PCSK4: variants seen among roughly 807,000 people sequenced by gnomAD.
PCSK4 encodes testicular tissue protein Li 135.
PCSK4 carries 64 observed loss-of-function variants against 80.3 expected under a neutral mutation model. The observed-to-expected ratio is 0.80, with a 90% CI of 0.65 to 0.98. The LOEUF (loss-of-function observed/expected upper bound fraction) is 0.98, where lower values mean the gene tolerates loss of function less well. Among genes scored for constraint, PCSK4 ranks in the 50% least tolerant of loss-of-function variants. The probability of loss-of-function intolerance (pLI) is 0.00; values close to 1 mark genes in which losing one functional copy is unlikely to be tolerated. For missense variants in PCSK4, 1,213 were observed against 1,093.6 expected, an observed-to-expected ratio of 1.11 and a Z score of -1.54; for synonymous variants, 561 against 487.6, an observed-to-expected ratio of 1.15 and a Z score of -1.98.
Position 1,487,465 on chromosome 19 carries a change from C to T in PCSK4, c.682+138G>A, listed in dbSNP as rs565557051. 875 of 1,003,974 alleles carry T rather than the reference C, an allele frequency of 8.7e-4. 6 individuals carry two copies. Among genetic ancestry groups the T allele is most frequent in the Non-Finnish European group, 1.7e-4 (113 of 680,908 alleles). The allele number at this position is 1,003,974 out of a possible 1,614,324, so 62.2% of individuals were successfully genotyped here. On this transcript the variant is annotated intron_variant, in intron 6 of 14. Coordinates refer to ENST00000300954, the Ensembl canonical transcript of PCSK4. ...ACCATTCGTATTGGCTCAGCACCCCCCAAGCCCTGGAGTCTGGGGCCCTAG... is the reference window on the plus strand; with the variant it reads ...ACCATTCGTATTGGCTCAGCACCCCTCAAGCCCTGGAGTCTGGGGCCCTAG...
chr19:1,485,574 A>G (rs558528548), intron 8 of PCSK4, among the ~76,000 whole-genome samples: 1 of 151,786 alleles, frequency 6.6e-6, no homozygotes, highest in African/African-American at 2.4e-5. Flanking sequence ...ACTCCATCTC[A>G]AAAGAAAAAA....
At chr19:1,486,225 C>T (rs1054667200) in intron 8 of PCSK4, among the ~76,000 whole-genome samples, 4 of 151,946 alleles carry the variant, frequency 2.6e-5, no homozygotes, top group Non-Finnish European at 4.4e-5. Flanking sequence ...GATCCACCCA[C>T]CTTGGTCTCC....
At chr19:1,482,405 G>A (rs1367974892) in exon 14 of PCSK4, 1 of 1,603,020 alleles carries the variant, frequency 6.2e-7, no homozygotes, top group Non-Finnish European at 8.5e-7. Flanking sequence ...TGGTCACCTG[G>A]GGGCCTGTAG....
intron 4 of PCSK4, 37 bp from the exon 5 acceptor site, chr19:1,487,898 G>A (rs754137817): frequency 1.3e-5 from 21 of 1,567,104 alleles, no homozygotes; most frequent in South Asian, 3.5e-5. Flanking sequence ...GCCGGGAGGC[G>A]TCCCTAGGGT....
chr19:1,484,106 C>T (rs142695530), exon 9 of PCSK4: 12 of 1,564,422 alleles, frequency 7.7e-6, no homozygotes, highest in African/African-American at 2.7e-5. Context: ...TCTGTGCACC[C>T]GTGATGCAGG....
Position 1,488,293 on chromosome 19 carries a change from G to A in PCSK4, c.295-13C>T, listed in dbSNP as rs1050158596. On this transcript the variant is annotated splice_polypyrimidine_tract_variant and intron_variant, in intron 2 of 14. Transcript: ENST00000300954. ...GGAACCACTGCACCTGCAGAGCAGA[G>A]GGTGCATCAGGCCTGTCCCCTGCTC... The A allele has an allele frequency of 1.2e-6, 2 of 1,606,154 alleles. No homozygotes were observed. Among genetic ancestry groups the A allele is most frequent in the Non-Finnish European group, 1.7e-6 (2 of 1,175,156 alleles).
At chr19:1,483,262 C>T (rs1239879005) in intron 12 of PCSK4, 22 bp downstream of exon 12, 15 of 1,544,082 alleles carry the variant, frequency 9.7e-6, no homozygotes, top group African/African-American at 1.4e-5. Context: ...AGGCCGCCCC[C>T]TCTCCTCTGC....
chr19:1,487,502 A>C (rs1031112209), intron 6 of PCSK4, 101 bp downstream of exon 6: 2 of 1,099,182 alleles, frequency 1.8e-6, no homozygotes, highest in African/African-American at 1.5e-5. Context: ...ACCACCCAGC[A>C]GTGAGAGGGT....
chr19:1,481,668 G>A (rs917835446), exon 15 of PCSK4: 29 of 890,690 alleles, frequency 3.3e-5, no homozygotes, highest in Middle Eastern at 3.5e-4. Flanking sequence ...GCTGGTGCTC[G>A]CTCCTCTGGG....
chr19:1,487,119 C>A (rs1337593346), intron 7 of PCSK4, 22 bp downstream of exon 7: 1 of 1,602,522 alleles, frequency 6.2e-7, no homozygotes. Context: ...GCCACCCCTG[C>A]CCTCCTCGGG....
rs375005449 is a variant in PCSK4, at chr19:1,483,285, G to A, written c.1570C>T (p.Arg524Ter). 39 of 1,586,922 alleles carry A rather than the reference G, an allele frequency of 2.5e-5. No individual in the cohort carries two copies. Among genetic ancestry groups the A allele is most frequent in the South Asian group, 3.4e-5 (3 of 88,908 alleles). Residue 524 changes from arginine (R) to a stop codon, truncating the protein, a stop_gained and splice_region_variant, in exon 12 of 15, where the codon CGA becomes TGA. Transcript: ENST00000300954. LOFTEE classifies it high-confidence loss of function. ...CCCTCTCCTCTGCGGGCCGCTCACC[G>A]TATGGCCACGAGTGTGGAGCGCGTG...
chr19:1,488,579 CTTATT>C (rs2084766337), intron 2 of PCSK4, among the ~76,000 whole-genome samples: 1 of 151,878 alleles, frequency 6.6e-6, no homozygotes, highest in African/African-American at 2.4e-5. Flanking sequence ...GCATCACTTC[CTTATT>C]TTTTTTCTTT....
Position 1,488,791 on chromosome 19 carries a change from G to A in PCSK4, c.295-511C>T, listed in dbSNP as rs575006553. Among the ~76,000 whole-genome samples, 6 of 152,154 alleles carry A rather than the reference G, an allele frequency of 3.9e-5. No individual in the cohort carries two copies. The South Asian group carries it at 1.2e-3, about 32-fold the overall frequency. ...AGATGGGGTTTCGCCATGTTGATCAGGCTGGTCTCGAACTCCTGAGCTTAA... is the reference window on the plus strand; with the variant it reads ...AGATGGGGTTTCGCCATGTTGATCAAGCTGGTCTCGAACTCCTGAGCTTAA... On this transcript the variant is annotated intron_variant, in intron 2 of 14. Coordinates refer to ENST00000300954, the Ensembl canonical transcript of PCSK4.
In PCSK4 at chr19:1,483,527, G is replaced by A. The variant is rs888197484; in HGVS notation, c.1392-64C>T. On this transcript the variant is annotated intron_variant, in intron 11 of 14. Coordinates refer to ENST00000300954, the Ensembl canonical transcript of PCSK4. Reference sequence around the variant, plus strand: ...CTGGGGGGTGGGTGGGCGGCCAGCAGGCGAGGTCGGGGCTCAGAGGTCACG... The same window carrying A: ...CTGGGGGGTGGGTGGGCGGCCAGCAAGCGAGGTCGGGGCTCAGAGGTCACG... The A allele has an allele frequency of 3.5e-6, 5 of 1,426,232 alleles. No individual in the cohort carries two copies. In the African/African-American group the frequency reaches 7.0e-5, roughly 20 times the overall value. 88.3% of individuals were successfully genotyped at this position (1,426,232 alleles called of 1,614,324 possible). A position where few individuals can be genotyped will look rare whatever the true frequency, so the allele number is the denominator to read the frequency against.
At chr19:1,481,575 T>C (rs1259987419) in exon 15 of PCSK4, 4 of 476,346 alleles carry the variant, frequency 8.4e-6, no homozygotes, top group African/African-American at 5.9e-5. Flanking sequence ...AAACCCAAAA[T>C]GCAGAGGAGA....
rs1213190791 is a variant in PCSK4, at chr19:1,487,063, GC to G, written c.857del (p.Gly286AlafsTer97). 6.2e-7 allele frequency: 1 copy of G among 1,604,576 alleles called. No individual in the cohort carries two copies. Among genetic ancestry groups the G allele is most frequent in the Non-Finnish European group, 8.5e-7 (1 of 1,179,254 alleles). On this transcript the variant is annotated frameshift_variant and splice_region_variant, in exon 8 of 15. Coordinates refer to ENST00000300954, the Ensembl canonical transcript of PCSK4. LOFTEE classifies it high-confidence loss of function. ...TGAAGAGCGTGCCCAGCCCGCCGCG[GC>G]CCTGGGAAACCAGGAGGGGCGGGGA... is the stretch of plus-strand genomic sequence containing the variant.
rs1188094998 is a variant in PCSK4, at chr19:1,483,649, C to T, written c.1391+1G>A. ...AGCGGAGGGGCGCGCAGGGGTCTCA[C>T]GTGGGGCGGCTCTGGACCCGGACGG... On this transcript the variant is annotated splice_donor_variant, in intron 11 of 14. Transcript: ENST00000300954. LOFTEE classifies it high-confidence loss of function. The T allele has an allele frequency of 3.2e-6, 5 of 1,583,376 alleles. No homozygotes were observed. The highest frequency in any genetic ancestry group is 4.3e-6 in the Non-Finnish European group (5 of 1,170,308).
exon 13 of PCSK4, chr19:1,483,007 T>G: frequency 6.6e-7 from 1 of 1,514,688 alleles, no homozygotes; most frequent in Non-Finnish European, 9.0e-7. Flanking sequence ...CCTTCAGTGC[T>G]GACGTCCAAG....
At chr19:1,482,464 G>A (rs776516936) in exon 14 of PCSK4, 18 of 1,604,700 alleles carry the variant, frequency 1.1e-5, no homozygotes, top group Admixed American at 3.3e-5. Flanking sequence ...AGCGTGTAGC[G>A]GTACAACGTC....
Sources: gnomAD v4.1 joint callset for allele counts (sites outside exome capture counted in the v4.1 genomes callset) on GRCh38, gnomAD v4.1.1 for gene constraint, MANE v1.5 for transcripts, NCBI Gene and HGNC (gene_info 2026-07-23, HGNC 2026-07-21) for gene names.